CAST: variants seen among roughly 807,000 people sequenced by gnomAD.
The protein encoded by CAST is calpastatin.
Under a neutral mutation model 119.6 loss-of-function variants are expected in CAST, and 76 were observed. That is an observed-to-expected ratio of 0.64 (90% CI 0.53 to 0.77). CAST has a LOEUF of 0.77. CAST is among the 30% of genes least tolerant of loss of function. The probability of loss-of-function intolerance (pLI) is 0.00; values close to 1 mark genes in which losing one functional copy is unlikely to be tolerated. For synonymous variants in CAST, 319 were observed against 331.6 expected, an observed-to-expected ratio of 0.96 and a Z score of 0.41; for missense variants, 953 against 946.5, an observed-to-expected ratio of 1.01 and a Z score of -0.09.
At chr5:96,147,564 C>G in the CAST span, among the ~76,000 whole-genome samples, 2 of 152,208 alleles carry the variant, frequency 1.3e-5, no homozygotes, top group Non-Finnish European at 2.9e-5. Context: ...GATCGCACCA[C>G]TGCACTCCAG....
intron 1 of CAST, among the ~76,000 whole-genome samples, chr5:96,609,098 C>T (rs542002046): frequency 5.9e-5 from 9 of 152,338 alleles, no homozygotes; most frequent in African/African-American, 1.9e-4. Flanking sequence ...ACAGACATCA[C>T]CCTTCTTATT....
the CAST span, among the ~76,000 whole-genome samples, chr5:96,097,081 G>C: frequency 1.3e-5 from 2 of 152,166 alleles, no homozygotes; most frequent in African/African-American, 4.8e-5. Context: ...CTTTGTAGGT[G>C]ATTCTAGGAG....
At chr5:96,124,647 T>C in the CAST span, among the ~76,000 whole-genome samples, 1 of 152,180 alleles carries the variant, frequency 6.6e-6, no homozygotes, top group African/African-American at 2.4e-5. Flanking sequence ...CTGTAGGATG[T>C]GCCTGTTATA....
At chr5:96,451,801 A>G in the CAST span, among the ~76,000 whole-genome samples, 2 of 152,234 alleles carry the variant, frequency 1.3e-5, no homozygotes, top group Non-Finnish European at 2.9e-5. Context: ...TTACAAGAAA[A>G]AAACAACAAC....
At chr5:96,295,103 T>A in the CAST span, among the ~76,000 whole-genome samples, 262 of 152,318 alleles carry the variant, frequency 1.7e-3, 1 homozygote, top group Non-Finnish European at 2.2e-3. Flanking sequence ...GCAAACAAAC[T>A]AGTAGAAATT....
At chr5:96,110,839 A>G in the CAST span, 5 of 152,182 alleles carry the variant, frequency 3.3e-5, no homozygotes, top group Non-Finnish European at 7.4e-5. Flanking sequence ...TTTCAATTCT[A>G]AAAAATCAAG....
the CAST span, among the ~76,000 whole-genome samples, chr5:96,230,586 G>C: frequency 3.9e-5 from 6 of 152,202 alleles, no homozygotes; most frequent in South Asian, 8.3e-4. Flanking sequence ...CTTTGGGTTA[G>C]GCAATGATTT....
chr5:96,507,277 A>G, the CAST span, among the ~76,000 whole-genome samples: 248 of 152,300 alleles, frequency 1.6e-3, no homozygotes, highest in Non-Finnish European at 2.8e-3. Flanking sequence ...CCTGTGTTAC[A>G]TCAGGCTGCC....
the CAST span, among the ~76,000 whole-genome samples, chr5:96,140,861 T>C: frequency 2.6e-5 from 4 of 152,178 alleles, no homozygotes; most frequent in Non-Finnish European, 5.9e-5. Flanking sequence ...ATCCTGAATA[T>C]ATTTCTCTAT....
chr5:96,437,132 A>G, the CAST span, among the ~76,000 whole-genome samples: 1 of 152,200 alleles, frequency 6.6e-6, no homozygotes, highest in Non-Finnish European at 1.5e-5. Context: ...GGATGCTCTG[A>G]CCTATAGAAA....
At chr5:96,458,533 A>G in the CAST span, among the ~76,000 whole-genome samples, 1 of 152,178 alleles carries the variant, frequency 6.6e-6, no homozygotes, top group Non-Finnish European at 1.5e-5. Flanking sequence ...ATCACCCACC[A>G]CAATTTAATA....
intron 1 of CAST, among the ~76,000 whole-genome samples, chr5:96,554,909 A>C (rs1225613500): frequency 6.6e-6 from 1 of 152,126 alleles, no homozygotes; most frequent in Non-Finnish European, 1.5e-5. Flanking sequence ...AACAACAGAT[A>C]CTGGAGAGGT....
the CAST span, among the ~76,000 whole-genome samples, chr5:96,095,598 A>G: frequency 6.8e-6 from 1 of 146,408 alleles, no homozygotes; most frequent in Non-Finnish European, 1.5e-5. Context: ...GACCTATTAT[A>G]TGAAAGGGTG....
chr5:96,045,180 C>T, the CAST span, among the ~76,000 whole-genome samples: 1 of 152,088 alleles, frequency 6.6e-6, no homozygotes, highest in African/African-American at 2.4e-5. Flanking sequence ...TGGTGAAACC[C>T]TGTCTCTACT....
intron 2 of CAST, among the ~76,000 whole-genome samples, chr5:96,693,851 T>TA (rs1252465763): frequency 6.6e-6 from 1 of 152,342 alleles, no homozygotes; most frequent in Admixed American, 6.5e-5. Flanking sequence ...CTTTTGTTTT[T>TA]ATCACATTTA....
At chr5:96,698,498 C>T (rs527342279) in intron 3 of CAST, among the ~76,000 whole-genome samples, 1 of 152,262 alleles carries the variant, frequency 6.6e-6, no homozygotes, top group African/African-American at 2.4e-5. Flanking sequence ...TGTGAGTTCT[C>T]CAGGGTTTGA....
intron 6 of CAST, chr5:96,728,561 C>T (rs2100117037): frequency 6.6e-6 from 1 of 151,884 alleles, no homozygotes; most frequent in Admixed American, 6.6e-5. Flanking sequence ...ACTGCAAGCT[C>T]CGCCTCCCGG....
chr5:96,015,974 A>T, the CAST span, among the ~76,000 whole-genome samples: 1 of 152,122 alleles, frequency 6.6e-6, no homozygotes, highest in African/African-American at 2.4e-5. Context: ...GGTATTTTGT[A>T]GGTGTGATTC....
chr5:96,362,439 C>T, the CAST span, among the ~76,000 whole-genome samples: 1 of 152,216 alleles, frequency 6.6e-6, no homozygotes, highest in African/African-American at 2.4e-5. Flanking sequence ...AACTAGTTTA[C>T]AGTCCCACCA....
Sources: gnomAD v4.1 joint callset for allele counts (sites outside exome capture counted in the v4.1 genomes callset) on GRCh38, gnomAD v4.1.1 for gene constraint, MANE v1.5 for transcripts, NCBI Gene and HGNC (gene_info 2026-07-23, HGNC 2026-07-21) for gene names.